Variants in SLC16A7 observed in about 807,000 individuals in gnomAD.
SLC16A7 encodes the protein solute carrier family 16 member 7, also known as monocarboxylate transporter 2.
SLC16A7 carries 33 observed loss-of-function variants against 34.9 expected under a neutral mutation model. The ratio of observed to expected loss-of-function variants is 0.94; its 90% confidence interval spans 0.72 to 1.26. SLC16A7 has a LOEUF of 1.26. SLC16A7 is among the 50% of genes most tolerant of loss of function. The pLI, the probability that SLC16A7 is intolerant of heterozygous loss-of-function variation, is 0.00. For synonymous variants in SLC16A7, 201 were observed against 206.6 expected, an observed-to-expected ratio of 0.97 and a Z score of 0.23; for missense variants, 573 against 578.1, an observed-to-expected ratio of 0.99 and a Z score of 0.09.
At chr12:59,757,266 A>ATAAAG (rs1248205706) in intron 3 of SLC16A7, among the ~76,000 whole-genome samples, 1 of 151,886 alleles carries the variant, frequency 6.6e-6, no homozygotes, top group Non-Finnish European at 1.5e-5. Flanking sequence ...TAATAATAAA[A>ATAAAG]TAAAATAAAA....
rs563117373 is a variant in SLC16A7 at position 59,785,356 on chromosome 12, CA to C, written c.*5680del. On this transcript the variant is annotated 3_prime_UTR_variant, in exon 6 of 6. Transcript: ENST00000547379. ...TTCTTCACTTTAATTCATTTATGTG[CA>C]AATCAGGGAAGAATTGCTGTAGTAT... The C allele has an allele frequency of 3.3e-5, 5 of 152,214 alleles. No homozygotes were observed. In the East Asian group the frequency reaches 9.7e-4, roughly 29 times the overall value. 9.4% of individuals were successfully genotyped at this position (152,214 alleles called of 1,614,324 possible).
chr12:59,766,876 C>G (rs1242087446), intron 3 of SLC16A7, among the ~76,000 whole-genome samples: 2 of 151,966 alleles, frequency 1.3e-5, no homozygotes, highest in South Asian at 2.1e-4. Flanking sequence ...CCCTCTTTTT[C>G]TATTGATTGG....
At chr12:59,597,195 G>GTTCCAA in intron 1 of SLC16A7, 1 of 148,274 alleles carries the variant, frequency 6.7e-6, no homozygotes, top group East Asian at 2.0e-4. Flanking sequence ...GACTTCTGTA[G>GTTCCAA]TTCCAATTCC....
intron 2 of SLC16A7, among the ~76,000 whole-genome samples, chr12:59,667,581 G>T (rs902748317): frequency 1.3e-5 from 2 of 152,140 alleles, no homozygotes; most frequent in Non-Finnish European, 2.9e-5. Context: ...GTGGGAGAAA[G>T]TTCTAAGTGC....
rs1883268089 is a variant in SLC16A7 at position 59,781,823 on chromosome 12, AC to A, written c.*2145del. The A allele has an allele frequency of 6.6e-6, 1 of 152,240 alleles. No individual in the cohort carries two copies. The highest frequency in any genetic ancestry group is 6.6e-5 in the Admixed American group (1 of 15,256). The allele number at this position is 152,240 out of a possible 1,614,324, so 9.4% of individuals were successfully genotyped here. A position where few individuals can be genotyped will look rare whatever the true frequency, so the allele number is the denominator to read the frequency against. ...AGTGTCTTGAATTCTCTGAAAAGGC[AC>A]ATTAAACTAATATGAACATCAGATA... On this transcript the variant is annotated 3_prime_UTR_variant, in exon 6 of 6. Transcript: ENST00000547379.
Position 59,783,756 on chromosome 12 carries a change from A to G in SLC16A7, c.*4077A>G, listed in dbSNP as rs61174819. On this transcript the variant is annotated 3_prime_UTR_variant, in exon 6 of 6. Coordinates refer to ENST00000547379, the MANE Select transcript of SLC16A7 (RefSeq NM_001270623.2). ...AACCTCTGCCTCCCAGGTTCAAGCA[A>G]TTCTCCTGCCTCAGCCTCCCGAGTA... 33,741 of 151,846 alleles carry G rather than the reference A, an allele frequency of 0.22. 4,020 individuals are homozygous for G. Among genetic ancestry groups the G allele is most frequent in the East Asian group, 0.31 (1,589 of 5,146 alleles). 9.4% of individuals were successfully genotyped at this position (151,846 alleles called of 1,614,324 possible).
At position 59,701,460 on chromosome 12, in the gene SLC16A7, G is replaced by A. The variant is rs186481583; in HGVS notation, c.-30-3312G>A. On this transcript the variant is annotated intron_variant, in intron 2 of 5. Coordinates refer to ENST00000547379, the MANE Select transcript of SLC16A7 (RefSeq NM_001270623.2). ...CTAGAATTTTAGAAAATAGAATTGT[G>A]TATATGTGTGTGTGTGTGTACATTC... is the stretch of plus-strand genomic sequence containing the variant. Among the ~76,000 whole-genome samples, 212 of 151,568 alleles carry A rather than the reference G, an allele frequency of 1.4e-3. 1 individual carries two copies. The highest frequency in any genetic ancestry group is 6.9e-3 in the Middle Eastern group (2 of 288).
At chr12:59,777,546 A>C (rs1401562185) in intron 5 of SLC16A7, among the ~76,000 whole-genome samples, 1 of 152,102 alleles carries the variant, frequency 6.6e-6, no homozygotes, top group African/African-American at 2.4e-5. Context: ...TTAGTTCTGG[A>C]AAGCATATCT....
chr12:59,669,250 T>C (rs1199638093), intron 2 of SLC16A7, among the ~76,000 whole-genome samples: 1 of 152,170 alleles, frequency 6.6e-6, no homozygotes, highest in African/African-American at 2.4e-5. Flanking sequence ...GTGAATCATA[T>C]TCATTTCAAG....
At chr12:59,661,031 C>A (rs1868821108) in intron 2 of SLC16A7, among the ~76,000 whole-genome samples, 1 of 152,144 alleles carries the variant, frequency 6.6e-6, no homozygotes, top group Non-Finnish European at 1.5e-5. Flanking sequence ...AAACTACATA[C>A]CCGATCATAT....
rs1247924662 is a variant in SLC16A7, at chr12:59,771,355, C to A, written c.354C>A (p.Phe118Leu). Residue 118 changes from phenylalanine (F) to leucine (L), a missense_variant, in exon 4 of 6, where the codon TTC becomes TTA. Coordinates refer to ENST00000547379, the MANE Select transcript of SLC16A7 (RefSeq NM_001270623.2). ...TACAGCTGTACCTCACTATGGGATT[C>A]ATTACAGGTAAGCCATTTAGTCTTC... The part of the protein sequence containing the change: ...SVVQLYLTMG[F>L]ITGLGLAFNL... The A allele has an allele frequency of 3.8e-6, 6 of 1,597,112 alleles. No homozygotes were observed. Among genetic ancestry groups the A allele is most frequent in the South Asian group, 2.2e-5 (2 of 89,070 alleles).
chr12:59,764,635 A>G (rs1881391863), intron 3 of SLC16A7, among the ~76,000 whole-genome samples: 2 of 151,996 alleles, frequency 1.3e-5, no homozygotes, highest in Non-Finnish European at 2.9e-5. Context: ...TTCCAGCTTC[A>G]TCCATGTCCC....
chr12:59,765,530 C>T (rs572743146), intron 3 of SLC16A7, among the ~76,000 whole-genome samples: 1 of 152,224 alleles, frequency 6.6e-6, no homozygotes, highest in South Asian at 2.1e-4. Context: ...GGAAGGGATC[C>T]AGTTTCAGCT....
intron 2 of SLC16A7, among the ~76,000 whole-genome samples, chr12:59,668,185 G>C (rs1869367089): frequency 6.6e-6 from 1 of 152,202 alleles, no homozygotes; most frequent in Non-Finnish European, 1.5e-5. Flanking sequence ...CCCCACTGGG[G>C]CACCATCTAG....
At chr12:59,728,535 G>A (rs538066249) in intron 3 of SLC16A7, among the ~76,000 whole-genome samples, 1 of 152,316 alleles carries the variant, frequency 6.6e-6, no homozygotes, top group South Asian at 2.1e-4. Flanking sequence ...TCATCCAGGT[G>A]TGGTGGCTCA....
At chr12:59,722,894 A>G (rs1278080265) in intron 3 of SLC16A7, among the ~76,000 whole-genome samples, 1 of 151,932 alleles carries the variant, frequency 6.6e-6, no homozygotes, top group East Asian at 1.9e-4. Flanking sequence ...ATTGTCTAAT[A>G]TATGTTATCC....
chr12:59,609,259 A>C (rs1434015365), intron 1 of SLC16A7, among the ~76,000 whole-genome samples: 1 of 152,228 alleles, frequency 6.6e-6, no homozygotes, highest in Non-Finnish European at 1.5e-5. Flanking sequence ...TGAAGAACAT[A>C]CAGTGTCCTG....
chr12:59,753,751 C>T (rs1041090579), intron 3 of SLC16A7, among the ~76,000 whole-genome samples: 10 of 152,102 alleles, frequency 6.6e-5, no homozygotes, highest in African/African-American at 2.4e-4. Context: ...CTGCAACAAG[C>T]AGACCTGATA....
chr12:59,644,050 C>G (rs2137009485), intron 1 of SLC16A7, among the ~76,000 whole-genome samples: 1 of 152,202 alleles, frequency 6.6e-6, no homozygotes, highest in East Asian at 1.9e-4. Flanking sequence ...ATGGATACAG[C>G]ATTTGATAAG....
Sources: allele counts gnomAD v4.1 joint callset (sites outside exome capture counted in the v4.1 genomes callset), GRCh38; gene constraint gnomAD v4.1.1; transcripts MANE v1.5; gene names NCBI Gene and HGNC (gene_info 2026-07-23, HGNC 2026-07-21).